LYPLAL1: variants seen among roughly 807,000 people sequenced by gnomAD.
LYPLAL1 encodes lysophospholipase-like protein 1.
Under a neutral mutation model 19.7 loss-of-function variants are expected in LYPLAL1, and 23 were observed. That is an observed-to-expected ratio of 1.17 (90% CI 0.84 to 1.65). The LOEUF (loss-of-function observed/expected upper bound fraction) is 1.65, where lower values mean the gene tolerates loss of function less well. LYPLAL1 is among the 40% of genes most tolerant of loss of function. The pLI is 0.00. For missense variants in LYPLAL1, 355 were observed against 279.4 expected, an observed-to-expected ratio of 1.27 and a Z score of -1.93; for synonymous variants, 119 against 96.3, an observed-to-expected ratio of 1.24 and a Z score of -1.38.
At chr1:219,284,219 C>A in the LYPLAL1 span, among the ~76,000 whole-genome samples, 1 of 152,188 alleles carries the variant, frequency 6.6e-6, no homozygotes, top group Admixed American at 6.6e-5. Flanking sequence ...AATAAAACTT[C>A]TTTCCTCTAT....
At chr1:219,330,501 G>A in the LYPLAL1 span, among the ~76,000 whole-genome samples, 1 of 152,244 alleles carries the variant, frequency 6.6e-6, no homozygotes, top group Non-Finnish European at 1.5e-5. Context: ...AGGCCTCTGT[G>A]TTGAACCTAA....
chr1:219,329,344 CTTTGATTCGTGAATTA>C, the LYPLAL1 span, among the ~76,000 whole-genome samples: 2 of 152,148 alleles, frequency 1.3e-5, no homozygotes, highest in African/African-American at 4.8e-5. Context: ...AATAAATGCT[CTTTGATTCGTGAATTA>C]TAAAATATGA....
chr1:219,337,520 A>C, the LYPLAL1 span, among the ~76,000 whole-genome samples: 1 of 152,032 alleles, frequency 6.6e-6, no homozygotes, highest in Non-Finnish European at 1.5e-5. Context: ...TTTGCAAGTA[A>C]GTAGACTCCA....
At chr1:219,320,639 G>A in the LYPLAL1 span, among the ~76,000 whole-genome samples, 1 of 151,692 alleles carries the variant, frequency 6.6e-6, no homozygotes, top group African/African-American at 2.4e-5. Context: ...CCCTTCCTGT[G>A]TCCAAGTGTT....
the LYPLAL1 span, among the ~76,000 whole-genome samples, chr1:219,371,890 A>G: frequency 6.6e-6 from 1 of 152,180 alleles, no homozygotes; most frequent in African/African-American, 2.4e-5. Context: ...TAATTTGTCT[A>G]AGGTTTTTCT....
chr1:219,332,094 A>G, the LYPLAL1 span, among the ~76,000 whole-genome samples: 2 of 152,186 alleles, frequency 1.3e-5, no homozygotes, highest in South Asian at 2.1e-4. Flanking sequence ...ATGTTGTGTC[A>G]TTTCACACTT....
chr1:219,242,301 C>T, the LYPLAL1 span, among the ~76,000 whole-genome samples: 1 of 152,128 alleles, frequency 6.6e-6, no homozygotes, highest in African/African-American at 2.4e-5. Context: ...TTAAACCAAC[C>T]ACTGGTCTCC....
At chr1:219,256,055 A>G in the LYPLAL1 span, among the ~76,000 whole-genome samples, 34,011 of 151,522 alleles carry the variant, frequency 0.22, 4,123 homozygotes, top group African/African-American at 0.29. Context: ...TTCTCATCAG[A>G]TTTTTCTATC....
chr1:219,311,669 T>G, the LYPLAL1 span, among the ~76,000 whole-genome samples: 7 of 152,110 alleles, frequency 4.6e-5, 1 homozygote, highest in Non-Finnish European at 1.0e-4. Context: ...TTAAATACAT[T>G]TAATCTTTCT....
the LYPLAL1 span, among the ~76,000 whole-genome samples, chr1:219,247,710 A>T: frequency 6.6e-6 from 1 of 152,228 alleles, no homozygotes; most frequent in African/African-American, 2.4e-5. Context: ...GCTTCAGCTT[A>T]GGAGAGGCAC....
chr1:219,223,061 A>T, the LYPLAL1 span: 1 of 152,052 alleles, frequency 6.6e-6, no homozygotes, highest in Non-Finnish European at 1.5e-5. Flanking sequence ...GGAGGGACAC[A>T]TACATTCAAA....
At chr1:219,205,469 T>A (rs554726958) in intron 3 of LYPLAL1, among the ~76,000 whole-genome samples, 1 of 152,196 alleles carries the variant, frequency 6.6e-6, no homozygotes, top group South Asian at 2.1e-4. Context: ...CAAATTAGTA[T>A]TACATGAAAA....
At chr1:219,391,892 C>T in the LYPLAL1 span, among the ~76,000 whole-genome samples, 2 of 152,180 alleles carry the variant, frequency 1.3e-5, no homozygotes, top group African/African-American at 4.8e-5. Flanking sequence ...CACCTCTTTC[C>T]TTTTGACACA....
At chr1:219,430,348 G>GT in the LYPLAL1 span, among the ~76,000 whole-genome samples, 4 of 147,274 alleles carry the variant, frequency 2.7e-5, no homozygotes, top group South Asian at 2.2e-4. Flanking sequence ...TCAATTCTGT[G>GT]TTTTTTCCAT....
chr1:219,385,157 A>T, the LYPLAL1 span, among the ~76,000 whole-genome samples: 6 of 152,176 alleles, frequency 3.9e-5, no homozygotes, highest in Admixed American at 2.0e-4. Flanking sequence ...GAATCAACTC[A>T]TTTTGAAAAG....
the LYPLAL1 span, among the ~76,000 whole-genome samples, chr1:219,268,114 C>G: frequency 6.6e-6 from 1 of 152,140 alleles, no homozygotes; most frequent in East Asian, 1.9e-4. Context: ...CACAAAAATT[C>G]CTGCCCTCGT....
chr1:219,350,336 T>C, the LYPLAL1 span, among the ~76,000 whole-genome samples: 1 of 152,102 alleles, frequency 6.6e-6, no homozygotes, highest in Non-Finnish European at 1.5e-5. Context: ...TCATGAGGCA[T>C]AGAGATGCCT....
chr1:219,217,024 C>T (rs1395468747), downstream of LYPLAL1, among the ~76,000 whole-genome samples: 1 of 152,140 alleles, frequency 6.6e-6, no homozygotes, highest in Non-Finnish European at 1.5e-5. Context: ...TCTCTTCCTT[C>T]CTCTAAGACT....
chr1:219,389,178 G>A, the LYPLAL1 span, among the ~76,000 whole-genome samples: 1 of 152,104 alleles, frequency 6.6e-6, no homozygotes, highest in Non-Finnish European at 1.5e-5. Context: ...ATTCAGACAT[G>A]CAGGAAATAT....
Sources: gnomAD v4.1 joint callset for allele counts (sites outside exome capture counted in the v4.1 genomes callset) on GRCh38, gnomAD v4.1.1 for gene constraint, MANE v1.5 for transcripts, NCBI Gene and HGNC (gene_info 2026-07-23, HGNC 2026-07-21) for gene names.